Variants in OMD observed in about 807,000 individuals in gnomAD.
OMD encodes osteomodulin.
OMD carries 19 observed loss-of-function variants against 31.2 expected under a neutral mutation model. That is an observed-to-expected ratio of 0.61 (90% CI 0.42 to 0.89). The LOEUF is 0.89. OMD is among the 40% of genes least tolerant of loss of function. OMD has a pLI of 0.00. For missense variants in OMD, 448 were observed against 490.8 expected (o/e 0.91, Z 0.82); for synonymous variants, 155 against 166.4 (o/e 0.93, Z 0.53).
In OMD at chr9:92,415,056, TA is replaced by T; in HGVS notation, c.*95del. 3.2e-6 allele frequency: 3 copies of T among 934,558 alleles called. No homozygotes were observed. The highest frequency in any genetic ancestry group is 2.1e-5 in the South Asian group (1 of 48,610). The allele number at this position is 934,558 out of a possible 1,614,324, so 57.9% of individuals were successfully genotyped here. A position where few individuals can be genotyped will look rare whatever the true frequency, so the allele number is the denominator to read the frequency against. On this transcript the variant is annotated 3_prime_UTR_variant, in exon 3 of 3. Transcript: ENST00000375550. ...CTGATCTTATACTAATACATAATTC[TA>T]AATATATTACTTTGAGTAATACATG...
rs1843632600 is a variant in OMD, at chr9:92,416,958, A to ACT, written c.600_601insAG (p.Leu203CysfsTer2). ...GCAAAGATTTTGTCTTTTAGCAGAG[A>ACT]ATCATGAAGATAATTATAACAGAGA... is the stretch of plus-strand genomic sequence containing the variant. On this transcript the variant is annotated frameshift_variant, in exon 2 of 3. Transcript: ENST00000375550. LOFTEE classifies it high-confidence loss of function. 6.2e-7 allele frequency: 1 copy of ACT among 1,613,862 alleles called. No individual in the cohort carries two copies. The highest frequency in any genetic ancestry group is 1.3e-5 in the African/African-American group (1 of 74,916).
intron 1 of OMD, among the ~76,000 whole-genome samples, chr9:92,422,761 T>C (rs1041056220): frequency 6.6e-6 from 1 of 152,180 alleles, no homozygotes; most frequent in Non-Finnish European, 1.5e-5. Flanking sequence ...TCTTGCTCTT[T>C]CCCCAGGATA....
At chr9:92,423,271 A>AT (rs1462171995) in intron 1 of OMD, among the ~76,000 whole-genome samples, 2 of 152,156 alleles carry the variant, frequency 1.3e-5, no homozygotes, top group Non-Finnish European at 2.9e-5. Context: ...ATATATATAT[A>AT]TTACCAGTTT....
At chr9:92,420,166 G>C (rs1215460774) in intron 1 of OMD, among the ~76,000 whole-genome samples, 1 of 152,012 alleles carries the variant, frequency 6.6e-6, no homozygotes, top group Non-Finnish European at 1.5e-5. Flanking sequence ...TCTTCATTTT[G>C]AGTATTCCGC....
rs35323105 is a variant in OMD, at chr9:92,412,975, CTTTTTTTTTTTT to C, written c.*2165_*2176del. 4.4e-5 allele frequency among the ~76,000 whole-genome samples: 2 copies of C among 45,244 alleles called. No individual in the cohort carries two copies. The highest frequency in any genetic ancestry group is 2.0e-4 in the African/African-American group (2 of 9,850). 29.7% of individuals were successfully genotyped at this position (45,244 alleles called of 152,430 possible). A position where few individuals can be genotyped will look rare whatever the true frequency, so the allele number is the denominator to read the frequency against. On this transcript the variant is annotated 3_prime_UTR_variant, in exon 3 of 3. Transcript: ENST00000375550. ...AATCGCTGGGTTATATGTAACTAAG[CTTTTTTTTTTTT>C]TTTTTTTTTTTTTTGATATGGACTT...
intron 1 of OMD, among the ~76,000 whole-genome samples, chr9:92,419,030 C>T (rs1044815525): frequency 2.6e-5 from 4 of 152,120 alleles, no homozygotes; most frequent in Admixed American, 6.5e-5. Context: ...TGTTTAAAGT[C>T]TTGTGGAGAA....
At chr9:92,416,071 T>TA (rs1491227873) in intron 2 of OMD, among the ~76,000 whole-genome samples, 6,956 of 126,498 alleles carry the variant, frequency 0.055, 332 homozygotes, top group African/African-American at 0.11. Context: ...TATATATATA[T>TA]TTATTTATTT....
Position 92,415,469 on chromosome 9 carries a change from GATTC to G in OMD, c.945_948del (p.Met315IlefsTer4), listed in dbSNP as rs780016730. ...TCAATAGAAGGACACATCACTGTAA[GATTC>G]ATCTCTGAAAGAAATAAATTAAAAA... On this transcript the variant is annotated frameshift_variant, in exon 3 of 3. Transcript: ENST00000375550. LOFTEE classifies it high-confidence loss of function. 1.9e-6 allele frequency: 3 copies of G among 1,571,632 alleles called. No homozygotes were observed. The Admixed American group carries it at 5.7e-5, about 30-fold the overall frequency.
rs1371823193 is a variant in OMD, at chr9:92,416,106, T to TA, written c.940+512_940+513insT. ...TATTTATTTATTTATTTATTTTATTTTTTTTTTTTTTAAGACAGAGTTTTG... is the reference window on the plus strand; with the variant it reads ...TATTTATTTATTTATTTATTTTATTTATTTTTTTTTTTAAGACAGAGTTTTG... On this transcript the variant is annotated intron_variant, in intron 2 of 2. Transcript: ENST00000375550. Among the ~76,000 whole-genome samples, 215 of 142,172 alleles carry TA rather than the reference T, an allele frequency of 1.5e-3. 1 individual carries two copies. The highest frequency in any genetic ancestry group is 5.4e-3 in the African/African-American group (207 of 38,440). The allele number at this position is 142,172 out of a possible 152,430, so 93.3% of individuals were successfully genotyped here. A position where few individuals can be genotyped will look rare whatever the true frequency, so the allele number is the denominator to read the frequency against.
chr9:92,420,638 C>G (rs1843762212), intron 1 of OMD, among the ~76,000 whole-genome samples: 1 of 152,040 alleles, frequency 6.6e-6, no homozygotes, highest in Admixed American at 6.6e-5. Context: ...GGGTGATGAC[C>G]TTGCTTCTTT....
intron 1 of OMD, among the ~76,000 whole-genome samples, chr9:92,421,288 C>T (rs111897024): frequency 5.9e-5 from 9 of 152,216 alleles, no homozygotes; most frequent in Non-Finnish European, 8.8e-5. Flanking sequence ...AGTCTGCCCC[C>T]CTCAGCCTCC....
chr9:92,416,070 ATT>A (rs72121352), intron 2 of OMD, among the ~76,000 whole-genome samples: 51,407 of 130,460 alleles, frequency 0.39, 11,748 homozygotes, highest in East Asian at 0.78. Flanking sequence ...ATATATATAT[ATT>A]TATTTATTTA....
intron 1 of OMD, among the ~76,000 whole-genome samples, chr9:92,421,915 T>C (rs1843809927): frequency 6.6e-6 from 1 of 152,202 alleles, no homozygotes. Flanking sequence ...GAAAGTCTTT[T>C]GTAGACATCA....
intron 1 of OMD, 87 bp from the exon 2 acceptor site, chr9:92,417,661 A>T (rs1280447820): frequency 5.5e-6 from 4 of 731,288 alleles, no homozygotes; most frequent in East Asian, 5.4e-5. Flanking sequence ...TATGAAATGT[A>T]TTATACCTAT....
At chr9:92,423,298 ATAT>A (rs1212507166) in intron 1 of OMD, among the ~76,000 whole-genome samples, 1 of 152,180 alleles carries the variant, frequency 6.6e-6, no homozygotes, top group African/African-American at 2.4e-5. Context: ...TGAATTTTTC[ATAT>A]TATAGCAATA....
chr9:92,416,952 G>A lies in OMD; in HGVS notation c.607C>T (p.Leu203=). The A allele has an allele frequency of 6.2e-7, 1 of 1,613,934 alleles. No homozygotes were observed. Among genetic ancestry groups the A allele is most frequent in the South Asian group, 1.1e-5 (1 of 91,068 alleles). The change falls in exon 2 of 3, where the codon CTA becomes TTA. Residue 203 remains leucine (L), a synonymous_variant. Coordinates refer to ENST00000375550, the MANE Select transcript of OMD (RefSeq NM_005014.3). ...ATTTTGGCAAAGATTTTGTCTTTTAGCAGAGAATCATGAAGATAATTATAA... is the reference window on the plus strand; with the variant it reads ...ATTTTGGCAAAGATTTTGTCTTTTAACAGAGAATCATGAAGATAATTATAA... ...LCYNYLHDSL[L]KDKIFAKMEK... is the part of the protein sequence containing the mutation.
intron 1 of OMD, among the ~76,000 whole-genome samples, chr9:92,421,109 C>CA (rs1843778130): frequency 6.6e-6 from 1 of 152,084 alleles, no homozygotes; most frequent in Non-Finnish European, 1.5e-5. Flanking sequence ...CAGTGGTGCA[C>CA]TCTTGGCTCA....
chr9:92,422,886 A>G (rs569423880), intron 1 of OMD, among the ~76,000 whole-genome samples: 4 of 152,244 alleles, frequency 2.6e-5, no homozygotes, highest in African/African-American at 9.6e-5. Context: ...ATACTCTACA[A>G]TGTATGCCTT....
At position 92,412,633 on chromosome 9, in the gene OMD, C is replaced by CT. The variant is rs1460187733; in HGVS notation, c.*2518dup. ...ATTTGTGTCTTTTTACGACTGACTT[C>CT]TTTCACTGAGCATAATGTTTTCAAG... On this transcript the variant is annotated 3_prime_UTR_variant, in exon 3 of 3. Transcript: ENST00000375550. 1.3e-5 allele frequency among the ~76,000 whole-genome samples: 2 copies of CT among 152,188 alleles called. No homozygotes were observed. Among genetic ancestry groups the CT allele is most frequent in the Non-Finnish European group, 2.9e-5 (2 of 68,020 alleles).
Sources: gnomAD v4.1 joint callset for allele counts (sites outside exome capture counted in the v4.1 genomes callset) on GRCh38, gnomAD v4.1.1 for gene constraint, MANE v1.5 for transcripts, NCBI Gene and HGNC (gene_info 2026-07-23, HGNC 2026-07-21) for gene names.